Variants in BTBD9 observed in about 807,000 individuals in gnomAD.
BTBD9 encodes the protein BTB domain containing 9.
A neutral mutation model predicts 64.3 loss-of-function variants in BTBD9; 49 were observed. That is an observed-to-expected ratio of 0.76 (90% CI 0.61 to 0.97). BTBD9 has a LOEUF of 0.97. Among genes scored for constraint, BTBD9 ranks in the 50% least tolerant of loss-of-function variants. BTBD9 has a pLI of 0.00. For missense variants in BTBD9, 598 were observed against 762.1 expected, an observed-to-expected ratio of 0.78 and a Z score of 2.53; for synonymous variants, 260 against 274.7, an observed-to-expected ratio of 0.95 and a Z score of 0.53.
At chr6:38,552,754 GAA>G (rs201496890) in intron 6 of BTBD9, among the ~76,000 whole-genome samples, 3 of 108,800 alleles carry the variant, frequency 2.8e-5, no homozygotes, top group African/African-American at 7.0e-5. Flanking sequence ...AAAAGAAAAA[GAA>G]AAAAAAAAAA....
At chr6:38,545,642 G>C (rs1016040604) in intron 6 of BTBD9, among the ~76,000 whole-genome samples, 4 of 151,656 alleles carry the variant, frequency 2.6e-5, no homozygotes, top group African/African-American at 9.7e-5. Context: ...AGCTGGGCGT[G>C]GTGGCGGGCA....
chr6:38,215,718 T>A (rs757697069), intron 9 of BTBD9, among the ~76,000 whole-genome samples: 14 of 152,230 alleles, frequency 9.2e-5, no homozygotes, highest in Non-Finnish European at 2.1e-4. Context: ...ATCACACTGG[T>A]GTCCTGCTGG....
chr6:38,223,770 T>C (rs936570954), intron 9 of BTBD9, among the ~76,000 whole-genome samples: 1 of 151,528 alleles, frequency 6.6e-6, no homozygotes, highest in Admixed American at 6.6e-5. Context: ...TTTTGGATTC[T>C]CCTTTTTTTT....
chr6:38,592,881 T>G (rs767632468), intron 3 of BTBD9, 41 bp from the exon 4 acceptor site: 4 of 1,597,820 alleles, frequency 2.5e-6, no homozygotes, highest in Non-Finnish European at 3.4e-6. Context: ...TATATGAAGT[T>G]CAACCACTGC....
intron 4 of BTBD9, among the ~76,000 whole-genome samples, chr6:38,585,938 CCA>C (rs10660204): frequency 0.055 from 7,727 of 140,698 alleles, 342 homozygotes; most frequent in African/African-American, 0.13. Flanking sequence ...ACAGGACAGA[CCA>C]CACACACACA....
rs572068844 is a variant in BTBD9, at chr6:38,262,652, C to A, written c.1455-6136G>T. Among the ~76,000 whole-genome samples, 4 of 152,238 alleles carry A rather than the reference C, an allele frequency of 2.6e-5. No homozygotes were observed. In the East Asian group the frequency reaches 7.7e-4, roughly 29 times the overall value. On this transcript the variant is annotated intron_variant, in intron 8 of 10. Coordinates refer to ENST00000481247, the MANE Select transcript of BTBD9 (RefSeq NM_001099272.2). ...GTTTTCAAAACTCTTTTCTTTGTGG[C>A]TTGAGTCAGAAGTGACTCAATGCAA...
At chr6:38,254,467 C>A (rs1469965658) in intron 9 of BTBD9, among the ~76,000 whole-genome samples, 12 of 151,150 alleles carry the variant, frequency 7.9e-5, no homozygotes, top group African/African-American at 2.7e-4. Context: ...AACAAACAAA[C>A]AAACAAACAA....
intron 9 of BTBD9, among the ~76,000 whole-genome samples, chr6:38,213,742 G>T (rs1331430247): frequency 3.3e-5 from 5 of 152,284 alleles, no homozygotes; most frequent in African/African-American, 1.2e-4. Flanking sequence ...AGCACTTTGG[G>T]AGGCTGAGGC....
At chr6:38,397,438 G>A (rs1441117082) in intron 6 of BTBD9, among the ~76,000 whole-genome samples, 1 of 152,186 alleles carries the variant, frequency 6.6e-6, no homozygotes, top group Non-Finnish European at 1.5e-5. Flanking sequence ...AATGAAAGAT[G>A]ACGCCCAGCT....
intron 6 of BTBD9, among the ~76,000 whole-genome samples, chr6:38,391,053 T>C (rs1766389464): frequency 6.6e-6 from 1 of 152,212 alleles, no homozygotes; most frequent in Non-Finnish European, 1.5e-5. Context: ...AAGCTTCAAA[T>C]CTTACCCATT....
chr6:38,255,778 T>C (rs184830731), intron 9 of BTBD9, among the ~76,000 whole-genome samples: 10 of 152,220 alleles, frequency 6.6e-5, no homozygotes, highest in Non-Finnish European at 1.5e-4. Flanking sequence ...CCATAATAAC[T>C]ACTGAAGTAT....
At chr6:38,510,218 A>C (rs2127409613) in intron 6 of BTBD9, among the ~76,000 whole-genome samples, 1 of 152,364 alleles carries the variant, frequency 6.6e-6, no homozygotes, top group Non-Finnish European at 1.5e-5. Context: ...GCCATAGCCT[A>C]CTATACACCA....
In BTBD9 at chr6:38,184,922, G is replaced by A. The variant is rs534317250; in HGVS notation, c.1641+7597C>T. Among the ~76,000 whole-genome samples, 6 of 152,202 alleles carry A rather than the reference G, an allele frequency of 3.9e-5. No homozygotes were observed. The South Asian group carries it at 6.2e-4, about 16-fold the overall frequency. On this transcript the variant is annotated intron_variant, in intron 10 of 10. Transcript: ENST00000481247. The surrounding 1 kb of genome is among the most constrained non-coding windows in gnomAD (Gnocchi z 4.4). ...TCTGCCTCACTCCAGGCCCTGAGCCGAGTGGTCCTGGAGGGCAGCTCAAGT... is the reference window on the plus strand; with the variant it reads ...TCTGCCTCACTCCAGGCCCTGAGCCAAGTGGTCCTGGAGGGCAGCTCAAGT...
intron 9 of BTBD9, among the ~76,000 whole-genome samples, chr6:38,221,745 C>A (rs1763203680): frequency 6.6e-6 from 1 of 152,206 alleles, no homozygotes; most frequent in Non-Finnish European, 1.5e-5. Flanking sequence ...GTAATCCCAG[C>A]ACTTTGGTAG....
At chr6:38,402,259 G>A (rs1050954447) in intron 6 of BTBD9, among the ~76,000 whole-genome samples, 3 of 151,818 alleles carry the variant, frequency 2.0e-5, no homozygotes, top group African/African-American at 4.8e-5. Flanking sequence ...TTAAGGTGAC[G>A]ATACTTCTCA....
intron 6 of BTBD9, among the ~76,000 whole-genome samples, chr6:38,400,661 C>T (rs1024580242): frequency 9.2e-5 from 14 of 152,284 alleles, no homozygotes; most frequent in African/African-American, 3.4e-4. Flanking sequence ...AGGATACCAG[C>T]CCAGATTCCC....
chr6:38,291,756 G>GT (rs1187038815), intron 7 of BTBD9, among the ~76,000 whole-genome samples: 3 of 152,116 alleles, frequency 2.0e-5, no homozygotes, highest in Non-Finnish European at 4.4e-5. Context: ...ATAATCATGT[G>GT]TTTTTTGTCA....
chr6:38,576,119 A>G (rs1776018583), intron 6 of BTBD9, among the ~76,000 whole-genome samples: 1 of 152,154 alleles, frequency 6.6e-6, no homozygotes, highest in African/African-American at 2.4e-5. Flanking sequence ...ATGCAAACAC[A>G]CAGTCCTTCA....
intron 6 of BTBD9, among the ~76,000 whole-genome samples, chr6:38,551,311 A>G (rs1014179271): frequency 2.0e-5 from 3 of 152,170 alleles, no homozygotes; most frequent in African/African-American, 7.2e-5. Context: ...CACTCCGGGC[A>G]AAGGGCATAC....
Sources: allele counts gnomAD v4.1 joint callset (sites outside exome capture counted in the v4.1 genomes callset), GRCh38; gene constraint gnomAD v4.1.1; non-coding constraint Gnocchi (gnomAD v3.1); transcripts MANE v1.5; gene names NCBI Gene and HGNC (gene_info 2026-07-23, HGNC 2026-07-21).